EPHA3: variants seen among roughly 807,000 people sequenced by gnomAD.
EPHA3 encodes EPH receptor A3.
In EPHA3, 42 loss-of-function variants were observed where a neutral mutation model predicts 107.1. The observed-to-expected ratio is 0.39, with a 90% confidence interval of 0.31 to 0.51. EPHA3 has a LOEUF of 0.51. EPHA3 is among the 20% of genes least tolerant of loss of function. The probability of loss-of-function intolerance (pLI) is 0.78; values close to 1 mark genes in which losing one functional copy is unlikely to be tolerated. For missense variants in EPHA3, 1,183 were observed against 1,211.2 expected (o/e 0.98, Z 0.35); for synonymous variants, 461 against 424.8 (o/e 1.09, Z -1.05).
chr3:89,367,030 C>T (rs575757150), intron 5 of EPHA3, among the ~76,000 whole-genome samples: 1 of 150,694 alleles, frequency 6.6e-6, no homozygotes, highest in South Asian at 2.1e-4. Context: ...CAACCCTCAT[C>T]TTGATTATTA....
intron 3 of EPHA3, among the ~76,000 whole-genome samples, chr3:89,289,384 A>C (rs1381020877): frequency 1.3e-5 from 2 of 152,118 alleles, no homozygotes; most frequent in Non-Finnish European, 2.9e-5. Context: ...TGGTACTAAA[A>C]ATTAATGGTT....
intron 2 of EPHA3, among the ~76,000 whole-genome samples, chr3:89,133,901 T>G (rs1704257002): frequency 6.6e-6 from 1 of 152,178 alleles, no homozygotes; most frequent in Non-Finnish European, 1.5e-5. Context: ...GAGCTTCTTC[T>G]TGGTCGAGCC....
At chr3:89,373,014 T>C (rs1708338316) in intron 5 of EPHA3, among the ~76,000 whole-genome samples, 1 of 151,838 alleles carries the variant, frequency 6.6e-6, no homozygotes, top group Non-Finnish European at 1.5e-5. Context: ...TCAGTTTTCT[T>C]TTCTAGTCTT....
intron 3 of EPHA3, among the ~76,000 whole-genome samples, chr3:89,286,404 T>C (rs1706084448): frequency 6.6e-6 from 1 of 152,036 alleles, no homozygotes; most frequent in African/African-American, 2.4e-5. Context: ...ATGTTTCCTC[T>C]GGCTCTGTGT....
chr3:89,342,486 T>C (rs1366992369), intron 5 of EPHA3, among the ~76,000 whole-genome samples: 1 of 152,128 alleles, frequency 6.6e-6, no homozygotes, highest in Non-Finnish European at 1.5e-5. Flanking sequence ...AATTAGGTAT[T>C]CCTTTGTTAT....
chr3:89,380,078 T>A (rs1708470944), intron 5 of EPHA3, among the ~76,000 whole-genome samples: 1 of 152,212 alleles, frequency 6.6e-6, no homozygotes, highest in Admixed American at 6.5e-5. Context: ...CAATATTTTT[T>A]TTCTGTTTCC....
intron 2 of EPHA3, among the ~76,000 whole-genome samples, chr3:89,191,299 A>AT (rs200801201): frequency 1.3e-4 from 20 of 149,744 alleles, no homozygotes; most frequent in African/African-American, 4.2e-4. Flanking sequence ...TATTTTTTTA[A>AT]TTTTTTTTAT....
At chr3:89,356,895 G>A (rs1214729450) in intron 5 of EPHA3, among the ~76,000 whole-genome samples, 2 of 150,084 alleles carry the variant, frequency 1.3e-5, no homozygotes, top group Non-Finnish European at 3.0e-5. Flanking sequence ...AGGAAGTCAG[G>A]AGATCAAAAC....
intron 3 of EPHA3, among the ~76,000 whole-genome samples, chr3:89,254,588 A>G (rs898194102): frequency 1.1e-4 from 17 of 152,140 alleles, no homozygotes; most frequent in African/African-American, 4.1e-4. Context: ...ATCCAGTCAC[A>G]TTTAGGTCTG....
At chr3:89,244,690 G>A (rs149299852) in intron 3 of EPHA3, among the ~76,000 whole-genome samples, 16 of 152,228 alleles carry the variant, frequency 1.1e-4, no homozygotes, top group African/African-American at 3.9e-4. Context: ...TATTATTTCA[G>A]CCACTGTGGT....
At chr3:89,347,558 A>G (rs1424475180) in intron 5 of EPHA3, among the ~76,000 whole-genome samples, 1 of 149,204 alleles carries the variant, frequency 6.7e-6, no homozygotes, top group African/African-American at 2.5e-5. Flanking sequence ...TGTAGTCTGC[A>G]AACAGGGACA....
chr3:89,439,912 T>C (rs1274370999), intron 13 of EPHA3, among the ~76,000 whole-genome samples: 1 of 152,186 alleles, frequency 6.6e-6, no homozygotes, highest in Non-Finnish European at 1.5e-5. Context: ...ATTTCCTGGT[T>C]AGCCATTATA....
At chr3:89,371,742 AAC>A (rs896227957) in intron 5 of EPHA3, among the ~76,000 whole-genome samples, 3 of 150,292 alleles carry the variant, frequency 2.0e-5, no homozygotes, top group Non-Finnish European at 3.0e-5. Context: ...ACACACACAC[AAC>A]ACACACACAC....
intron 3 of EPHA3, among the ~76,000 whole-genome samples, chr3:89,306,409 A>G (rs1706622765): frequency 6.6e-6 from 1 of 152,174 alleles, no homozygotes; most frequent in Non-Finnish European, 1.5e-5. Flanking sequence ...CCAAAGTAGA[A>G]AGCATTAGAT....
At chr3:89,254,219 C>T (rs1576267447) in intron 3 of EPHA3, among the ~76,000 whole-genome samples, 1 of 152,130 alleles carries the variant, frequency 6.6e-6, no homozygotes, top group East Asian at 1.9e-4. Flanking sequence ...GAAAACATAG[C>T]TTGGAATTTG....
chr3:89,124,818 G>A (rs9810701), intron 1 of EPHA3, among the ~76,000 whole-genome samples: 144,697 of 151,998 alleles, frequency 0.95, 68,952 homozygotes, highest in African/African-American at 0.98. Flanking sequence ...CATTTATGCT[G>A]AATAGAGTGC....
At chr3:89,216,199 C>T (rs547717668) in intron 3 of EPHA3, among the ~76,000 whole-genome samples, 1 of 151,986 alleles carries the variant, frequency 6.6e-6, no homozygotes, top group South Asian at 2.1e-4. Context: ...GGACAGTATT[C>T]ACTATGAGCA....
At chr3:89,209,110 AG>A (rs1459418271) in intron 2 of EPHA3, among the ~76,000 whole-genome samples, 2 of 152,220 alleles carry the variant, frequency 1.3e-5, no homozygotes, top group Admixed American at 6.5e-5. Flanking sequence ...CAGTGATAAA[AG>A]TTGTTCTAAG....
At chr3:89,193,011 G>A (rs564023701) in intron 2 of EPHA3, among the ~76,000 whole-genome samples, 2 of 152,140 alleles carry the variant, frequency 1.3e-5, no homozygotes, top group African/African-American at 4.8e-5. Context: ...CTTTGAATGA[G>A]TTTGTAAATA....
Sources: allele counts gnomAD v4.1 joint callset (sites outside exome capture counted in the v4.1 genomes callset), GRCh38; gene constraint gnomAD v4.1.1; transcripts MANE v1.5; gene names NCBI Gene and HGNC (gene_info 2026-07-23, HGNC 2026-07-21).